CCDC73: variants seen among roughly 807,000 people sequenced by gnomAD.
CCDC73 encodes the protein coiled-coil domain containing 73, also known as coiled-coil domain-containing protein 73.
Under a neutral mutation model 116.5 loss-of-function variants are expected in CCDC73, and 95 were observed. That is an observed-to-expected ratio of 0.82 (90% CI 0.69 to 0.97). The LOEUF (loss-of-function observed/expected upper bound fraction) is 0.97. Among genes scored for constraint, CCDC73 ranks in the 50% least tolerant of loss-of-function variants. The probability of loss-of-function intolerance (pLI) is 0.00; values close to 1 mark genes in which losing one functional copy is unlikely to be tolerated. For synonymous variants in CCDC73, 398 were observed against 401.3 expected, an observed-to-expected ratio of 0.99 and a Z score of 0.10; for missense variants, 1,066 against 1,206.8, an observed-to-expected ratio of 0.88 and a Z score of 1.73.
intron 2 of CCDC73, among the ~76,000 whole-genome samples, chr11:32,745,924 C>T (rs1233625634): frequency 1.3e-5 from 2 of 152,060 alleles, no homozygotes; most frequent in African/African-American, 4.8e-5. Flanking sequence ...AGCCCATTTA[C>T]ATTTAAGGTT....
chr11:32,719,995 T>C (rs1463873567), intron 2 of CCDC73, among the ~76,000 whole-genome samples: 17 of 152,152 alleles, frequency 1.1e-4, no homozygotes, highest in Admixed American at 1.0e-3. Context: ...ACACCACTTT[T>C]ACACAGTCTC....
At chr11:32,685,665 G>A (rs2133297937) in intron 6 of CCDC73, among the ~76,000 whole-genome samples, 1 of 151,410 alleles carries the variant, frequency 6.6e-6, no homozygotes, top group South Asian at 2.1e-4. Flanking sequence ...CAACTAATGA[G>A]ATGGAAAGCC....
intron 17 of CCDC73, chr11:32,604,742 T>G (rs994257151): frequency 6.6e-6 from 1 of 152,250 alleles, no homozygotes; most frequent in African/African-American, 2.4e-5. Context: ...CATAAATCTT[T>G]GTGAAGATCT....
chr11:32,737,437 A>G (rs1032314817), intron 2 of CCDC73, among the ~76,000 whole-genome samples: 3 of 151,822 alleles, frequency 2.0e-5, no homozygotes, highest in African/African-American at 7.3e-5. Context: ...ACATAGTAAA[A>G]CCCCATCTCT....
rs571678621 is a variant in CCDC73, at chr11:32,618,031, C to T, written c.1186-1902G>A. Among the ~76,000 whole-genome samples, 4 of 152,256 alleles carry T rather than the reference C, an allele frequency of 2.6e-5. No homozygotes were observed. The South Asian group carries it at 6.2e-4, about 24-fold the overall frequency. On this transcript the variant is annotated intron_variant, in intron 14 of 17. Transcript: ENST00000335185. ...ATAGTTTTTCAACTGTTGTCTTCTT[C>T]CCTCCCTACCTCTTCTAGTAGTCCC...
chr11:32,642,214 A>C, intron 12 of CCDC73, 132 bp from the exon 13 acceptor site: 2 of 1,058,234 alleles, frequency 1.9e-6, no homozygotes, highest in Non-Finnish European at 2.4e-6. Flanking sequence ...GTGCTATCTC[A>C]ACAATAATTT....
intron 14 of CCDC73, 66 bp downstream of exon 14, chr11:32,635,630 A>G: frequency 8.3e-7 from 1 of 1,200,130 alleles, no homozygotes; most frequent in Non-Finnish European, 1.1e-6. Flanking sequence ...AAAACAGGGA[A>G]AAAAATCATA....
chr11:32,696,927 T>C (rs1856316757), intron 6 of CCDC73, among the ~76,000 whole-genome samples: 1 of 151,554 alleles, frequency 6.6e-6, no homozygotes, highest in Non-Finnish European at 1.5e-5. Flanking sequence ...CCTTGTGGGC[T>C]CAAGCAATTC....
chr11:32,680,393 C>T (rs944405411), intron 7 of CCDC73: 8 of 151,960 alleles, frequency 5.3e-5, no homozygotes, highest in African/African-American at 9.7e-5. Flanking sequence ...TTTTCTTTTA[C>T]GTAGTTTTAC....
chr11:32,627,897 C>A (rs1855591450), intron 14 of CCDC73, among the ~76,000 whole-genome samples: 1 of 152,016 alleles, frequency 6.6e-6, no homozygotes, highest in Non-Finnish European at 1.5e-5. Context: ...GTGCAGCACA[C>A]CAACATGGCA....
chr11:32,663,150 A>G (rs1352808180), intron 9 of CCDC73, among the ~76,000 whole-genome samples: 1 of 152,220 alleles, frequency 6.6e-6, no homozygotes, highest in Non-Finnish European at 1.5e-5. Context: ...CTTTTGGCTT[A>G]GGATTGTCTT....
At chr11:32,638,843 TTA>T (rs755958312) in intron 13 of CCDC73, among the ~76,000 whole-genome samples, 8 of 150,784 alleles carry the variant, frequency 5.3e-5, no homozygotes, top group Non-Finnish European at 8.8e-5. Flanking sequence ...GATGGGAACC[TTA>T]TGCTTAAACC....
At chr11:32,663,807 G>A (rs1202987506) in intron 9 of CCDC73, among the ~76,000 whole-genome samples, 1 of 152,166 alleles carries the variant, frequency 6.6e-6, no homozygotes, top group Non-Finnish European at 1.5e-5. Context: ...TATGATGTTG[G>A]CTGTGGGTTT....
chr11:32,805,484 G>A, the CCDC73 span, among the ~76,000 whole-genome samples: 2 of 152,236 alleles, frequency 1.3e-5, no homozygotes, highest in South Asian at 4.2e-4. Flanking sequence ...ATACTAAAAT[G>A]CTTGCTGGGC....
chr11:32,734,461 G>A (rs1279960723), intron 2 of CCDC73, among the ~76,000 whole-genome samples: 1 of 134,306 alleles, frequency 7.4e-6, no homozygotes, highest in Non-Finnish European at 1.6e-5. Flanking sequence ...ATTCTTGGGT[G>A]TTTCTTGCAC....
intron 2 of CCDC73, among the ~76,000 whole-genome samples, chr11:32,724,115 C>G (rs1161755041): frequency 1.3e-5 from 2 of 151,998 alleles, no homozygotes; most frequent in Non-Finnish European, 2.9e-5. Context: ...ATGATTCTAT[C>G]CATACCATTT....
chr11:32,765,440 G>C (rs1223236986), intron 1 of CCDC73, among the ~76,000 whole-genome samples: 1 of 152,140 alleles, frequency 6.6e-6, no homozygotes, highest in East Asian at 1.9e-4. Context: ...AATCAAACTA[G>C]AACTCAGGAT....
Position 32,699,241 on chromosome 11 carries a change from T to C in CCDC73, c.390+10A>G. 6.4e-7 allele frequency: 1 copy of C among 1,573,804 alleles called. No individual in the cohort carries two copies. The highest frequency in any genetic ancestry group is 8.6e-7 in the Non-Finnish European group (1 of 1,156,422). On this transcript the variant is annotated intron_variant, in intron 6 of 17. Transcript: ENST00000335185. ...AAACTACTTTTTAAACAATACGTAG[T>C]TATTTTTACCTGTAGTGCTTTTAAT...
chr11:32,722,248 G>A (rs749063189), intron 2 of CCDC73, among the ~76,000 whole-genome samples: 3 of 151,996 alleles, frequency 2.0e-5, no homozygotes, highest in South Asian at 2.1e-4. Context: ...AGGCATTAAC[G>A]ACAAGTCAGA....
Sources: allele counts gnomAD v4.1 joint callset (sites outside exome capture counted in the v4.1 genomes callset), GRCh38; gene constraint gnomAD v4.1.1; transcripts MANE v1.5; gene names NCBI Gene and HGNC (gene_info 2026-07-23, HGNC 2026-07-21).